Variants in BAZ2B observed in about 807,000 individuals in gnomAD.
BAZ2B encodes the protein bromodomain adjacent to zinc finger domain protein 2B.
In BAZ2B, 91 loss-of-function variants were observed where a neutral mutation model predicts 246.0. That is an observed-to-expected ratio of 0.37 (90% CI 0.31 to 0.44). The LOEUF (loss-of-function observed/expected upper bound fraction) is 0.44. BAZ2B is among the 20% of genes least tolerant of loss of function. The pLI is 1.00. For missense variants in BAZ2B, 2,332 were observed against 2,533.7 expected, an observed-to-expected ratio of 0.92 and a Z score of 1.71; for synonymous variants, 855 against 860.0, an observed-to-expected ratio of 0.99 and a Z score of 0.10.
At chr2:159,695,670 G>A in the BAZ2B span, among the ~76,000 whole-genome samples, 2 of 152,228 alleles carry the variant, frequency 1.3e-5, no homozygotes, top group South Asian at 4.2e-4. Context: ...TGGCATTCTT[G>A]AAGAAAATGA....
In BAZ2B at chr2:159,349,093, T is replaced by C. The variant is rs754246924; in HGVS notation, c.5051A>G (p.Gln1684Arg). ...TTGAGCTGAAGTGGCCTTTTCATTC[T>C]GTGGTACTGGAGATTCACTTTTACT... ...ASSKSESPVP[Q>R]NEKATSAQPA... The change falls in exon 29 of 37, where the codon CAG becomes CGG. Residue 1684 changes from glutamine to arginine, a missense_variant. Transcript: ENST00000392783. 4 of 1,614,040 alleles carry C rather than the reference T, an allele frequency of 2.5e-6. No individual in the cohort carries two copies. In the African/African-American group the frequency reaches 5.3e-5, roughly 22 times the overall value.
chr2:159,688,572 A>G, the BAZ2B span, among the ~76,000 whole-genome samples: 12 of 152,206 alleles, frequency 7.9e-5, no homozygotes, highest in Non-Finnish European at 1.6e-4. Context: ...CATTTCACCA[A>G]TTGTTTCACT....
chr2:159,535,525 A>G (rs1236172836), intron 2 of BAZ2B, among the ~76,000 whole-genome samples: 1 of 152,246 alleles, frequency 6.6e-6, no homozygotes, highest in East Asian at 1.9e-4. Context: ...ACTCTGTCTC[A>G]AAAAGAAAAG....
intron 35 of BAZ2B, among the ~76,000 whole-genome samples, chr2:159,325,255 C>T (rs1438542868): frequency 2.0e-5 from 3 of 147,158 alleles, no homozygotes; most frequent in African/African-American, 5.0e-5. Flanking sequence ...CTCAGCCCCT[C>T]GAGTAGCTGG....
In BAZ2B at chr2:159,361,953, C is replaced by CG. The variant is rs554385855; in HGVS notation, c.4213+11091dup. Among the ~76,000 whole-genome samples, 570 of 91,632 alleles carry CG rather than the reference C, an allele frequency of 6.2e-3. 6 individuals are homozygous for CG. Among genetic ancestry groups the CG allele is most frequent in the African/African-American group, 0.023 (531 of 22,640 alleles). 60.1% of individuals were successfully genotyped at this position (91,632 alleles called of 152,430 possible). On this transcript the variant is annotated intron_variant, in intron 27 of 36. Transcript: ENST00000392783. Reference sequence around the variant, plus strand: ...GGGAACAACACACACTGGGGCCTGTCGGGGGGGTGAGGGTCTGGGGGAGGG... The same window carrying CG: ...GGGAACAACACACACTGGGGCCTGTCGGGGGGGGTGAGGGTCTGGGGGAGGG...
intron 13 of BAZ2B, among the ~76,000 whole-genome samples, chr2:159,423,060 A>G (rs1355481741): frequency 6.6e-6 from 1 of 152,118 alleles, no homozygotes; most frequent in East Asian, 1.9e-4. Context: ...TCACACCTGT[A>G]ATCTCAGCAC....
At chr2:159,710,525 T>C in the BAZ2B span, among the ~76,000 whole-genome samples, 1 of 152,316 alleles carries the variant, frequency 6.6e-6, no homozygotes, top group African/African-American at 2.4e-5. Flanking sequence ...GTCTGCAGCA[T>C]AGCAAAATCT....
intron 16 of BAZ2B, 142 bp downstream of exon 16, chr2:159,404,707 T>C (rs2065624522): frequency 7.2e-6 from 5 of 697,650 alleles, no homozygotes; most frequent in South Asian, 5.2e-5. Context: ...TTTTAATTAA[T>C]AGAAGATAGC....
the BAZ2B span, among the ~76,000 whole-genome samples, chr2:159,668,548 C>A: frequency 6.6e-6 from 1 of 152,130 alleles, no homozygotes; most frequent in Non-Finnish European, 1.5e-5. Context: ...CTACTGCTTT[C>A]TCTTTTATCT....
At chr2:159,518,846 C>A (rs966381205) in intron 2 of BAZ2B, among the ~76,000 whole-genome samples, 1 of 152,132 alleles carries the variant, frequency 6.6e-6, no homozygotes, top group African/African-American at 2.4e-5. Flanking sequence ...AAGTGGGAAA[C>A]AAGATCAAAT....
At chr2:159,423,578 T>C (rs1196703390) in intron 13 of BAZ2B, among the ~76,000 whole-genome samples, 1 of 152,174 alleles carries the variant, frequency 6.6e-6, no homozygotes, top group African/African-American at 2.4e-5. Flanking sequence ...CACATGTTCA[T>C]TGCAGCATTA....
chr2:159,378,799 GAGAC>G (rs2061679202), intron 25 of BAZ2B, among the ~76,000 whole-genome samples: 1 of 152,126 alleles, frequency 6.6e-6, no homozygotes, highest in Non-Finnish European at 1.5e-5. Context: ...GAGAAAGAAA[GAGAC>G]AGACAGGAGT....
rs543865007 is a variant in BAZ2B at position 159,558,413 on chromosome 2, T to C, written c.-45-2548A>G. 3.0e-4 allele frequency among the ~76,000 whole-genome samples: 46 copies of C among 152,196 alleles called. No individual in the cohort carries two copies. In the Middle Eastern group the frequency reaches 0.01, roughly 34 times the overall value. ...CTGGGATTACAGGCATGCGCCACCA[T>C]GCCTGGCTAATTTTTTTTGTATTTT... is the stretch of plus-strand genomic sequence containing the variant. On this transcript the variant is annotated intron_variant, in intron 1 of 36. Coordinates refer to ENST00000392783, the MANE Select transcript of BAZ2B (RefSeq NM_013450.4).
intron 36 of BAZ2B, among the ~76,000 whole-genome samples, chr2:159,324,040 G>T (rs1343387858): frequency 6.6e-6 from 1 of 152,132 alleles, no homozygotes; most frequent in African/African-American, 2.4e-5. Flanking sequence ...TGATATATGT[G>T]AGGGATGCTG....
In BAZ2B at chr2:159,394,514, T is replaced by C. The variant is rs1018137421; in HGVS notation, c.3075+1255A>G. 2.0e-5 allele frequency among the ~76,000 whole-genome samples: 3 copies of C among 152,172 alleles called. No individual in the cohort carries two copies. The South Asian group carries it at 6.2e-4, about 32-fold the overall frequency. Reference sequence around the variant, plus strand: ...AGGGAAAAAAAGACAGCAGGAAAAGTGTTGGAGTAAAACTTCCATAACCTT... The same window carrying C: ...AGGGAAAAAAAGACAGCAGGAAAAGCGTTGGAGTAAAACTTCCATAACCTT... On this transcript the variant is annotated intron_variant, in intron 20 of 36. Transcript: ENST00000392783.
At chr2:159,482,772 G>C (rs990808075) in intron 2 of BAZ2B, among the ~76,000 whole-genome samples, 1 of 151,984 alleles carries the variant, frequency 6.6e-6, no homozygotes, top group Admixed American at 6.6e-5. Context: ...TCATTTTGTT[G>C]ACAAAATATG....
At chr2:159,366,921 T>C (rs1250730229) in intron 27 of BAZ2B, among the ~76,000 whole-genome samples, 2 of 151,948 alleles carry the variant, frequency 1.3e-5, no homozygotes, top group Admixed American at 6.6e-5. Flanking sequence ...GGTCAGGGGG[T>C]GGACTGAGAA....
At chr2:159,669,977 C>CT in the BAZ2B span, among the ~76,000 whole-genome samples, 31 of 151,862 alleles carry the variant, frequency 2.0e-4, no homozygotes, top group Non-Finnish European at 3.4e-4. Flanking sequence ...TTTCTTTCCT[C>CT]TTTTTTTTCT....
chr2:159,636,221 A>G, the BAZ2B span, among the ~76,000 whole-genome samples: 12 of 152,258 alleles, frequency 7.9e-5, no homozygotes, highest in African/African-American at 2.9e-4. Context: ...TAAGGTGAGC[A>G]ATCACAGTAC....
Sources: allele counts gnomAD v4.1 joint callset (sites outside exome capture counted in the v4.1 genomes callset), GRCh38; gene constraint gnomAD v4.1.1; transcripts MANE v1.5; gene names NCBI Gene and HGNC (gene_info 2026-07-23, HGNC 2026-07-21).